Variants in PTPRU observed in about 807,000 individuals in gnomAD.
PTPRU encodes the protein receptor-type tyrosine-protein phosphatase U.
Under a neutral mutation model 166.3 loss-of-function variants are expected in PTPRU, and 69 were observed. The observed-to-expected ratio is 0.41, with a 90% CI of 0.34 to 0.51. The LOEUF (loss-of-function observed/expected upper bound fraction) is 0.51, where lower values mean the gene tolerates loss of function less well. Ranked by LOEUF, PTPRU falls within the 20% of genes least tolerant of loss-of-function variation. The pLI, the probability that PTPRU is intolerant of heterozygous loss-of-function variation, is 0.09. For missense variants in PTPRU, 1,657 were observed against 2,013.7 expected (o/e 0.82, Z 3.39); for synonymous variants, 793 against 814.0 (o/e 0.97, Z 0.44).
chr1:29,261,982 T>G (rs1352358118), intron 7 of PTPRU, among the ~76,000 whole-genome samples: 1 of 152,236 alleles, frequency 6.6e-6, no homozygotes, highest in Non-Finnish European at 1.5e-5. Flanking sequence ...AGTCAAGATA[T>G]TCACATTGAT....
At chr1:29,242,742 G>T (rs1296291693) in intron 1 of PTPRU, among the ~76,000 whole-genome samples, 1 of 152,114 alleles carries the variant, frequency 6.6e-6, no homozygotes, top group Non-Finnish European at 1.5e-5. Context: ...TCTCTGGGAG[G>T]GGAATTGGTC....
rs549940917 is a variant in PTPRU at position 29,325,808 on chromosome 1, C to T, written c.*147C>T. The stretch of plus-strand genomic sequence containing the variant: ...TGGATGCTGGGCTATCTTGCTCCCC[C>T]TTCCACTGTGGGCAGGGCCTTTCGC... On this transcript the variant is annotated 3_prime_UTR_variant, in exon 30 of 30. Coordinates refer to ENST00000373779, the MANE Select transcript of PTPRU (RefSeq NM_133178.4). The T allele has an allele frequency of 7.2e-4, 667 of 921,892 alleles. No homozygotes were observed. The highest frequency in any genetic ancestry group is 1.1e-3 in the Admixed American group (35 of 31,432). 57.1% of individuals were successfully genotyped at this position (921,892 alleles called of 1,614,324 possible). A position where few individuals can be genotyped will look rare whatever the true frequency, so the allele number is the denominator to read the frequency against.
intron 21 of PTPRU, among the ~76,000 whole-genome samples, chr1:29,312,283 A>G (rs1399740281): frequency 6.6e-6 from 1 of 152,212 alleles, no homozygotes; most frequent in Non-Finnish European, 1.5e-5. Context: ...AGTATTTCAC[A>G]GCCCAGGTTT....
Position 29,277,803 on chromosome 1 carries a change from C to CTTTTTTTTTTTTTTTTTTTTTT in PTPRU, c.1454-1197_1454-1176dup, listed in dbSNP as rs71586898. On this transcript the variant is annotated intron_variant, in intron 8 of 29. Transcript: ENST00000373779. ...ACCATCTGGCTTCACAGTTGTCATT[C>CTTTTTTTTTTTTTTTTTTTTTT]TTTTTTTTTTTTTTTTTTTTTTTTT... Among the ~76,000 whole-genome samples, 18 of 50,590 alleles carry CTTTTTTTTTTTTTTTTTTTTTT rather than the reference C, an allele frequency of 3.6e-4. 5 individuals are homozygous for CTTTTTTTTTTTTTTTTTTTTTT. The highest frequency in any genetic ancestry group is 6.4e-4 in the African/African-American group (7 of 10,910). 33.2% of individuals were successfully genotyped at this position (50,590 alleles called of 152,430 possible). A position where few individuals can be genotyped will look rare whatever the true frequency, so the allele number is the denominator to read the frequency against.
In PTPRU at chr1:29,317,700, C is replaced by A; in HGVS notation, c.3514-48C>A. 1 of 1,540,470 alleles carries A rather than the reference C, an allele frequency of 6.5e-7. No homozygotes were observed. Among genetic ancestry groups the A allele is most frequent in the Non-Finnish European group, 8.7e-7 (1 of 1,143,236 alleles). ...TCCTTCATGGGGATGTGAGGAGGCC[C>A]AGCAAGCCCTGGACGTAACTCTCTG... On this transcript the variant is annotated intron_variant, in intron 24 of 29. Coordinates refer to ENST00000373779, the MANE Select transcript of PTPRU (RefSeq NM_133178.4). This position sits in a 1 kb window ranked among gnomAD's most constrained non-coding sequence, Gnocchi z 5.6.
chr1:29,252,353 T>G (rs1684588591), intron 1 of PTPRU, among the ~76,000 whole-genome samples: 2 of 151,048 alleles, frequency 1.3e-5, no homozygotes, highest in Middle Eastern at 3.4e-3. Flanking sequence ...CTGCAACCTC[T>G]GCCTGCTGGG....
At position 29,238,434 on chromosome 1, in the gene PTPRU, G is replaced by A. The variant is rs1683887241; in HGVS notation, c.73+1717G>A. Among the ~76,000 whole-genome samples the A allele has an allele frequency of 6.6e-6, 1 of 152,130 alleles. No individual in the cohort carries two copies. The highest frequency in any genetic ancestry group is 1.9e-4 in the East Asian group (1 of 5,136). ...GGGAGACGCCCGGGGCGGGATCCGA[G>A]CCGAGACACGTGCTGGAGCGGAGCC... On this transcript the variant is annotated intron_variant, in intron 1 of 29. Coordinates refer to ENST00000373779, the MANE Select transcript of PTPRU (RefSeq NM_133178.4). This position sits in a 1 kb window ranked among gnomAD's most constrained non-coding sequence, Gnocchi z 6.1.
chr1:29,289,130 A>AG (rs1405574108), intron 14 of PTPRU, among the ~76,000 whole-genome samples: 1 of 39,994 alleles, frequency 2.5e-5, no homozygotes, highest in Non-Finnish European at 4.8e-5. Flanking sequence ...AGGGCCGTGC[A>AG]GGGTGGGAGG....
intron 15 of PTPRU, among the ~76,000 whole-genome samples, chr1:29,299,204 C>CT (rs1334234371): frequency 6.6e-6 from 1 of 152,118 alleles, no homozygotes; most frequent in Non-Finnish European, 1.5e-5. Flanking sequence ...ACCTAGTGTT[C>CT]TTTTTTCTGG....
At chr1:29,305,740 G>A (rs956099976) in intron 18 of PTPRU, 20 of 537,306 alleles carry the variant, frequency 3.7e-5, no homozygotes, top group East Asian at 1.4e-4. Context: ...GATTCTCATC[G>A]TGCACCATGA....
chr1:29,280,070 A>T lies in PTPRU; in HGVS notation c.1797A>T (p.Ser599=). The part of the protein sequence containing the change: ...APSFDYADMP[S]PLGESENTIT... ...GCTTTGATTATGCCGACATGCCGTC[A>T]CCCCTGGGCGAGTCTGAGAACACCA... is the stretch of plus-strand genomic sequence containing the variant. The change falls in exon 11 of 30, where the codon TCA becomes TCT. Residue 599 remains serine, a synonymous_variant. Transcript: ENST00000373779. This position sits in a 1 kb window ranked among gnomAD's most constrained non-coding sequence, Gnocchi z 4.2. 1 of 1,613,660 alleles carries T rather than the reference A, an allele frequency of 6.2e-7. No individual in the cohort carries two copies. The highest frequency in any genetic ancestry group is 2.2e-5 in the East Asian group (1 of 44,870).
chr1:29,295,993 A>G (rs1686865474), intron 15 of PTPRU, among the ~76,000 whole-genome samples: 1 of 152,126 alleles, frequency 6.6e-6, no homozygotes, highest in African/African-American at 2.4e-5. Flanking sequence ...GCCTAGCCTT[A>G]TATACATACT....
rs1687878561 is a variant in PTPRU at position 29,315,841 on chromosome 1, C to G, written c.3364-161C>G. ...TGAAATAGGAGATAAAGGGGCATGT[C>G]CATGGAGGTTGTTTCAGGTAGGCTT... On this transcript the variant is annotated intron_variant, in intron 23 of 29. Transcript: ENST00000373779. The surrounding 1 kb of genome is among the most constrained non-coding windows in gnomAD (Gnocchi z 4.5). Among the ~76,000 whole-genome samples the G allele has an allele frequency of 6.6e-6, 1 of 152,164 alleles. No individual in the cohort carries two copies. Among genetic ancestry groups the G allele is most frequent in the Non-Finnish European group, 1.5e-5 (1 of 68,028 alleles).
chr1:29,326,344 C>T lies in PTPRU; in HGVS notation c.*683C>T, dbSNP rs1445540329. 6.4e-6 allele frequency: 1 copy of T among 155,642 alleles called. No homozygotes were observed. Among genetic ancestry groups the T allele is most frequent in the Non-Finnish European group, 1.4e-5 (1 of 70,240 alleles). The allele number at this position is 155,642 out of a possible 1,614,324, so 9.6% of individuals were successfully genotyped here. On this transcript the variant is annotated 3_prime_UTR_variant, in exon 30 of 30. Transcript: ENST00000373779. ...GGATCTGCCTATTACTGCTGTGCCCCATGGGGGGCTCCTTCCCTGCCTGAC... is the reference window on the plus strand; with the variant it reads ...GGATCTGCCTATTACTGCTGTGCCCTATGGGGGGCTCCTTCCCTGCCTGAC...
intron 14 of PTPRU, among the ~76,000 whole-genome samples, chr1:29,286,204 C>G (rs1466819810): frequency 6.6e-6 from 1 of 152,176 alleles, no homozygotes; most frequent in African/African-American, 2.4e-5. Context: ...CAGGGCGATA[C>G]ACTCTGATTT....
chr1:29,285,980 C>T (rs943743248), intron 14 of PTPRU, among the ~76,000 whole-genome samples: 12 of 152,266 alleles, frequency 7.9e-5, no homozygotes, highest in African/African-American at 2.2e-4. Flanking sequence ...CCCACCTGGG[C>T]TCTGGCTTCT....
intron 15 of PTPRU, among the ~76,000 whole-genome samples, chr1:29,296,473 G>T (rs1486409047): frequency 6.7e-6 from 1 of 149,250 alleles, no homozygotes; most frequent in Non-Finnish European, 1.5e-5. Context: ...ATTCAACTTG[G>T]TCATGATGAT....
rs1014121370 is a variant in PTPRU, at chr1:29,237,077, T to C, written c.73+360T>C. 2.6e-5 allele frequency among the ~76,000 whole-genome samples: 4 copies of C among 152,154 alleles called. No homozygotes were observed. The highest frequency in any genetic ancestry group is 9.7e-5 in the African/African-American group (4 of 41,426). ...GTTTGGTTGTGTTGCGGGAGTTGTATCTGCTAATGTGTTGCATTTGTTTGC... is the reference window on the plus strand; with the variant it reads ...GTTTGGTTGTGTTGCGGGAGTTGTACCTGCTAATGTGTTGCATTTGTTTGC... On this transcript the variant is annotated intron_variant, in intron 1 of 29. Coordinates refer to ENST00000373779, the MANE Select transcript of PTPRU (RefSeq NM_133178.4). This position sits in a 1 kb window ranked among gnomAD's most constrained non-coding sequence, Gnocchi z 6.4.
Position 29,325,657 on chromosome 1 carries a change from G to C in PTPRU, c.4307G>C (p.Arg1436Thr). The change falls in exon 30 of 30, where the codon AGA becomes ACA. Residue 1436 changes from arginine to threonine, a missense_variant. This residue lies in a region of PTPRU where 1,190 missense variants were observed against 1,477.4 expected (regional missense o/e 0.81). Transcript: ENST00000373779. The part of the protein sequence containing the change: ...ALEYLEGLES[R>T] ...GAGTACTTGGAGGGGCTGGAGTCAAGATAGCGGGGCCCTGGCCTGGGGCAC... is the reference window on the plus strand; with the variant it reads ...GAGTACTTGGAGGGGCTGGAGTCAACATAGCGGGGCCCTGGCCTGGGGCAC... The C allele has an allele frequency of 6.2e-7, 1 of 1,606,768 alleles. No homozygotes were observed. The highest frequency in any genetic ancestry group is 1.1e-5 in the South Asian group (1 of 89,720).
Sources: gnomAD v4.1 joint callset for allele counts (sites outside exome capture counted in the v4.1 genomes callset) on GRCh38, gnomAD v4.1.1 for gene constraint, gnomAD v4.1.1 regional missense constraint, Gnocchi (gnomAD v3.1) non-coding constraint, MANE v1.5 for transcripts, NCBI Gene and HGNC (gene_info 2026-07-23, HGNC 2026-07-21) for gene names.